Variants in POMGNT2 observed in about 807,000 individuals in gnomAD.
The protein encoded by POMGNT2 is protein O-linked-mannose beta-1,4-N-acetylglucosaminyltransferase 2.
In POMGNT2, 32 loss-of-function variants were observed where a neutral mutation model predicts 37.8. The ratio of observed to expected loss-of-function variants is 0.85; its 90% CI spans 0.64 to 1.14. The LOEUF is 1.14. Ranked by LOEUF, POMGNT2 falls within the 50% of genes most tolerant of loss-of-function variation. The probability of loss-of-function intolerance (pLI) is 0.00; values close to 1 mark genes in which losing one functional copy is unlikely to be tolerated. For synonymous variants in POMGNT2, 340 were observed against 336.8 expected (o/e 1.01, Z -0.10); for missense variants, 705 against 780.6 (o/e 0.90, Z 1.15).
intron 1 of POMGNT2, among the ~76,000 whole-genome samples, chr3:43,100,394 A>C (rs933324273): frequency 1.3e-5 from 2 of 152,200 alleles, no homozygotes; most frequent in Non-Finnish European, 2.9e-5. Context: ...TATGCAAATA[A>C]TGACACCATT....
rs961312501 is a variant in POMGNT2, at chr3:43,098,643, A to T, written c.-106+7193T>A. Among the ~76,000 whole-genome samples the T allele has an allele frequency of 6.6e-6, 1 of 152,204 alleles. No individual in the cohort carries two copies. Among genetic ancestry groups the T allele is most frequent in the African/African-American group, 2.4e-5 (1 of 41,442 alleles). On this transcript the variant is annotated intron_variant, in intron 1 of 1. Transcript: ENST00000344697. This position sits in a 1 kb window ranked among gnomAD's most constrained non-coding sequence, Gnocchi z 4.3. ...AGTATCTTCTTGCTTTAGAATAAAG[A>T]GCAAAGCAAAGTCAAAGCTGGAGAC...
chr3:43,105,371 G>A lies in POMGNT2; in HGVS notation c.-106+465C>T, dbSNP rs376816189. On this transcript the variant is annotated intron_variant, in intron 1 of 1. Transcript: ENST00000344697. ...CCCAGGAATCAGCTGCAGGCCTGCC[G>A]GGGTTCTGCCTTCAAAGGCAGTTGG... Among the ~76,000 whole-genome samples the A allele has an allele frequency of 7.2e-5, 11 of 152,194 alleles. No homozygotes were observed. The East Asian group carries it at 1.4e-3, about 19-fold the overall frequency.
At chr3:43,097,750 A>C (rs976851892) in intron 1 of POMGNT2, among the ~76,000 whole-genome samples, 82 of 152,206 alleles carry the variant, frequency 5.4e-4, no homozygotes, top group African/African-American at 1.9e-3. Flanking sequence ...ATTTTCCCAG[A>C]GAAGCAAAAA....
chr3:43,095,325 G>A (rs2089972073), intron 1 of POMGNT2, among the ~76,000 whole-genome samples: 1 of 152,186 alleles, frequency 6.6e-6, no homozygotes, highest in Non-Finnish European at 1.5e-5. Flanking sequence ...ATGTGCGGGT[G>A]GGCATGAAGG....
chr3:43,095,729 G>A (rs546276527), intron 1 of POMGNT2, among the ~76,000 whole-genome samples: 4 of 152,298 alleles, frequency 2.6e-5, no homozygotes, highest in African/African-American at 9.6e-5. Context: ...AGTGTTCTTG[G>A]ACTCTAAAGA....
At chr3:43,089,438 G>C (rs1000161720) in intron 1 of POMGNT2, among the ~76,000 whole-genome samples, 1 of 152,220 alleles carries the variant, frequency 6.6e-6, no homozygotes, top group Non-Finnish European at 1.5e-5. Flanking sequence ...GAGAAACTTA[G>C]AAAAATCAGC....
In POMGNT2 at chr3:43,080,358, C is replaced by A; in HGVS notation, c.1074G>T (p.Gly358=). ...QLVTTLFLPR[G]ATVVELFPYA... ...ATGGGAAGAGCTCTACCACAGTTGCCCCACGGGGCAGGAAGAGGGTGGTGA... is the reference window on the plus strand; with the variant it reads ...ATGGGAAGAGCTCTACCACAGTTGCACCACGGGGCAGGAAGAGGGTGGTGA... The change falls in exon 2 of 2, where the codon GGG becomes GGT. Residue 358 remains glycine, a synonymous_variant. Transcript: ENST00000344697. 6.2e-7 allele frequency: 1 copy of A among 1,614,138 alleles called. No homozygotes were observed. Among genetic ancestry groups the A allele is most frequent in the Non-Finnish European group, 8.5e-7 (1 of 1,180,026 alleles).
chr3:43,100,250 A>C (rs889241785), intron 1 of POMGNT2, among the ~76,000 whole-genome samples: 7 of 152,216 alleles, frequency 4.6e-5, no homozygotes, highest in African/African-American at 7.2e-5. Flanking sequence ...TTCAAAAAAA[A>C]CTTAAAAATA....
chr3:43,091,841 C>T (rs912079237), intron 1 of POMGNT2, among the ~76,000 whole-genome samples: 2 of 152,182 alleles, frequency 1.3e-5, no homozygotes, highest in African/African-American at 4.8e-5. Context: ...AATGGGGATT[C>T]GTGATTCTCG....
At chr3:43,085,908 A>G (rs1218648018) in intron 1 of POMGNT2, among the ~76,000 whole-genome samples, 1 of 152,154 alleles carries the variant, frequency 6.6e-6, no homozygotes, top group African/African-American at 2.4e-5. Flanking sequence ...AATATATAGG[A>G]GGCAAGAAGA....
chr3:43,083,052 T>C (rs1209274778), intron 1 of POMGNT2, among the ~76,000 whole-genome samples: 1 of 152,138 alleles, frequency 6.6e-6, no homozygotes, highest in Non-Finnish European at 1.5e-5. Context: ...TAGTTGAAGG[T>C]CATTCCTGGA....
At chr3:43,099,123 G>C (rs2089999660) in intron 1 of POMGNT2, among the ~76,000 whole-genome samples, 1 of 152,124 alleles carries the variant, frequency 6.6e-6, no homozygotes, top group African/African-American at 2.4e-5. Context: ...TTTCTAGGTG[G>C]AACTACAAAA....
chr3:43,099,227 G>A (rs1307918276), intron 1 of POMGNT2, among the ~76,000 whole-genome samples: 1 of 152,144 alleles, frequency 6.6e-6, no homozygotes, highest in Non-Finnish European at 1.5e-5. Flanking sequence ...GGGTTGAACT[G>A]ATCAAGAGAG....
chr3:43,080,070 G>A lies in POMGNT2; in HGVS notation c.1362C>T (p.Ile454=). The A allele has an allele frequency of 1.2e-6, 2 of 1,613,848 alleles. No individual in the cohort carries two copies. Among genetic ancestry groups the A allele is most frequent in the African/African-American group, 1.3e-5 (1 of 75,062 alleles). The change falls in exon 2 of 2, where the codon ATC becomes ATT. Residue 454 remains isoleucine (I), a synonymous_variant. Transcript: ENST00000344697. ...FRIYQDTKVD[I]PSLIQTIRRV... The stretch of plus-strand genomic sequence containing the variant: ...GCCGTATGGTTTGAATGAGGGACGG[G>A]ATGTCCACCTTGGTGTCCTGGTAGA...
intron 1 of POMGNT2, among the ~76,000 whole-genome samples, chr3:43,093,330 G>A (rs956376835): frequency 2.0e-5 from 3 of 152,190 alleles, no homozygotes; most frequent in African/African-American, 7.2e-5. Context: ...GGACGTGGGG[G>A]CTGCTTCTAA....
At chr3:43,099,101 C>G (rs932276811) in intron 1 of POMGNT2, among the ~76,000 whole-genome samples, 1 of 152,042 alleles carries the variant, frequency 6.6e-6, no homozygotes, top group Non-Finnish European at 1.5e-5. Context: ...GGAGAACACG[C>G]CTACACCAGG....
chr3:43,086,144 G>A (rs2125704261), intron 1 of POMGNT2, among the ~76,000 whole-genome samples: 1 of 152,244 alleles, frequency 6.6e-6, no homozygotes, highest in South Asian at 2.1e-4. Flanking sequence ...GGTGATTCTG[G>A]GGTACAAACA....
chr3:43,092,427 A>G (rs1359170474), intron 1 of POMGNT2, among the ~76,000 whole-genome samples: 1 of 152,114 alleles, frequency 6.6e-6, no homozygotes, highest in Admixed American at 6.6e-5. Flanking sequence ...CCTCCCAAAT[A>G]GCTAGGAGTA....
At chr3:43,095,512 C>T (rs192455009) in intron 1 of POMGNT2, among the ~76,000 whole-genome samples, 4 of 152,352 alleles carry the variant, frequency 2.6e-5, no homozygotes, top group Admixed American at 1.3e-4. Flanking sequence ...CCTAACAAAG[C>T]GTCCTCCAGC....
Sources: allele counts gnomAD v4.1 joint callset (sites outside exome capture counted in the v4.1 genomes callset), GRCh38; gene constraint gnomAD v4.1.1; non-coding constraint Gnocchi (gnomAD v3.1); transcripts MANE v1.5; gene names NCBI Gene and HGNC (gene_info 2026-07-23, HGNC 2026-07-21).